Variants in KLHL8 observed in about 807,000 individuals in gnomAD.
KLHL8 encodes the protein kelch like family member 8, also known as kelch-like protein 8.
A neutral mutation model predicts 63.5 loss-of-function variants in KLHL8; 38 were observed. The observed-to-expected ratio is 0.60, with a 90% CI of 0.46 to 0.78. The LOEUF (loss-of-function observed/expected upper bound fraction) is 0.78, where lower values mean the gene tolerates loss of function less well. Ranked by LOEUF, KLHL8 falls within the 30% of genes least tolerant of loss-of-function variation. The probability of loss-of-function intolerance (pLI) is 0.00; values close to 1 mark genes in which losing one functional copy is unlikely to be tolerated. For synonymous variants in KLHL8, 224 were observed against 254.3 expected (o/e 0.88, Z 1.13); for missense variants, 566 against 752.4 (o/e 0.75, Z 2.90).
intron 1 of KLHL8, among the ~76,000 whole-genome samples, chr4:87,227,362 C>T (rs1376372082): frequency 1.3e-5 from 2 of 152,018 alleles, no homozygotes; most frequent in Admixed American, 6.6e-5. Context: ...ACACTGGAGA[C>T]GGGGCACCAC....
intron 8 of KLHL8, among the ~76,000 whole-genome samples, chr4:87,169,494 T>TA (rs1401116633): frequency 7.9e-5 from 12 of 152,226 alleles, no homozygotes; most frequent in African/African-American, 2.9e-4. Context: ...ATAAATTTGT[T>TA]ACTCTTAGAA....
chr4:87,192,466 T>C (rs1731530969), intron 2 of KLHL8, among the ~76,000 whole-genome samples: 3 of 152,184 alleles, frequency 2.0e-5, no homozygotes, highest in Admixed American at 2.0e-4. Context: ...GTACCTTTTC[T>C]GTTTAGATAT....
chr4:87,207,689 C>A (rs1193399216), intron 1 of KLHL8: 24 of 959,502 alleles, frequency 2.5e-5, no homozygotes, highest in Non-Finnish European at 3.5e-5. Context: ...AGCTGCAGGG[C>A]TCTCCAGAAC....
intron 1 of KLHL8, chr4:87,207,976 AG>A: frequency 1.3e-6 from 1 of 779,160 alleles, no homozygotes; most frequent in South Asian, 1.4e-5. Context: ...CTTCAATGTT[AG>A]GGCTGGCATT....
At chr4:87,180,001 G>A (rs950800531) in intron 4 of KLHL8, among the ~76,000 whole-genome samples, 1 of 152,152 alleles carries the variant, frequency 6.6e-6, no homozygotes, top group African/African-American at 2.4e-5. Context: ...GCTGCTGGTC[G>A]AGGGGTGACC....
intron 1 of KLHL8, among the ~76,000 whole-genome samples, chr4:87,216,521 T>C (rs1732602565): frequency 6.6e-6 from 1 of 152,198 alleles, no homozygotes; most frequent in Admixed American, 6.5e-5. Flanking sequence ...AAATTTTCAT[T>C]TAATTTCTCC....
At chr4:87,205,413 AC>A (rs1382286406) in intron 1 of KLHL8, among the ~76,000 whole-genome samples, 18 of 6,600 alleles carry the variant, frequency 2.7e-3, no homozygotes, top group African/African-American at 0.011. Flanking sequence ...ACTCAAGAAA[AC>A]ACACACACAC....
intron 8 of KLHL8, among the ~76,000 whole-genome samples, chr4:87,165,574 T>A (rs1007802686): frequency 7.9e-5 from 12 of 151,634 alleles, no homozygotes; most frequent in Admixed American, 1.3e-4. Flanking sequence ...TTTTTTTTTT[T>A]AAATAGAGAT....
intron 1 of KLHL8, among the ~76,000 whole-genome samples, chr4:87,211,094 T>C (rs901393412): frequency 6.6e-6 from 1 of 152,086 alleles, no homozygotes; most frequent in Non-Finnish European, 1.5e-5. Context: ...AGTAAACACA[T>C]ATAACACAAT....
chr4:87,181,217 A>G (rs1731039377), intron 4 of KLHL8, among the ~76,000 whole-genome samples: 1 of 151,790 alleles, frequency 6.6e-6, no homozygotes, highest in Non-Finnish European at 1.5e-5. Flanking sequence ...ACTTGAGGTC[A>G]GGAGTTCGAG....
At chr4:87,197,468 T>C (rs1394051148) in intron 1 of KLHL8, among the ~76,000 whole-genome samples, 2 of 152,064 alleles carry the variant, frequency 1.3e-5, no homozygotes, top group Non-Finnish European at 2.9e-5. Context: ...CCTGAATAAG[T>C]GTGGAAGCAG....
At chr4:87,175,159 T>C (rs1730775706) in intron 6 of KLHL8, among the ~76,000 whole-genome samples, 1 of 152,226 alleles carries the variant, frequency 6.6e-6, no homozygotes, top group South Asian at 2.1e-4. Context: ...GTTATGTTCA[T>C]TATAAAACAT....
intron 1 of KLHL8, among the ~76,000 whole-genome samples, chr4:87,219,310 C>T (rs1316449911): frequency 1.3e-5 from 2 of 152,138 alleles, no homozygotes; most frequent in African/African-American, 4.8e-5. Flanking sequence ...GAGAAAGATG[C>T]GCGAAGAGGA....
At chr4:87,230,044 A>G (rs1435088720) in intron 1 of KLHL8, among the ~76,000 whole-genome samples, 2 of 152,052 alleles carry the variant, frequency 1.3e-5, no homozygotes, top group Admixed American at 1.3e-4. Context: ...CAGAAAACTC[A>G]TGGCACACTT....
intron 1 of KLHL8, among the ~76,000 whole-genome samples, chr4:87,235,080 T>A (rs1733203444): frequency 6.6e-6 from 1 of 152,100 alleles, no homozygotes; most frequent in African/African-American, 2.4e-5. Context: ...AGAGAAAGAA[T>A]AAATATTTGA....
At chr4:87,175,208 A>G (rs1410524591) in intron 6 of KLHL8, among the ~76,000 whole-genome samples, 1 of 152,214 alleles carries the variant, frequency 6.6e-6, no homozygotes, top group Non-Finnish European at 1.5e-5. Context: ...CAGAGAGTCT[A>G]ATCTTTTATT....
chr4:87,167,120 C>T (rs892783395), intron 8 of KLHL8: 28 of 453,218 alleles, frequency 6.2e-5, no homozygotes, highest in Non-Finnish European at 1.1e-4. Context: ...CAATGGAATT[C>T]GGGAAACGTT....
intron 4 of KLHL8, 94 bp downstream of exon 4, chr4:87,183,109 A>G: frequency 1.2e-6 from 1 of 809,680 alleles, no homozygotes; most frequent in Non-Finnish European, 1.9e-6. Flanking sequence ...GCAATCAGAC[A>G]CTAATTATAT....
At chr4:87,216,229 T>C (rs1046429807) in intron 1 of KLHL8, among the ~76,000 whole-genome samples, 5 of 152,178 alleles carry the variant, frequency 3.3e-5, no homozygotes, top group Non-Finnish European at 5.9e-5. Context: ...CAGGTAGAAG[T>C]AGCAGCACTA....
Sources: allele counts gnomAD v4.1 joint callset (sites outside exome capture counted in the v4.1 genomes callset), GRCh38; gene constraint gnomAD v4.1.1; transcripts MANE v1.5; gene names NCBI Gene and HGNC (gene_info 2026-07-23, HGNC 2026-07-21).